Variants in SLC2A9 observed in about 807,000 individuals in gnomAD.
SLC2A9 encodes solute carrier family 2 member 9, also known as solute carrier family 2, facilitated glucose transporter member 9.
Under a neutral mutation model 50.6 loss-of-function variants are expected in SLC2A9, and 39 were observed. That is an observed-to-expected ratio of 0.77 (90% CI 0.60 to 1.01). SLC2A9 has a LOEUF of 1.01. SLC2A9 is among the 50% of genes least tolerant of loss of function. SLC2A9 has a pLI of 0.00. For missense variants in SLC2A9, 686 were observed against 677.6 expected (o/e 1.01, Z -0.14); for synonymous variants, 324 against 276.9 (o/e 1.17, Z -1.69).
At chr4:9,937,523 GT>G (rs1252829606) in intron 6 of SLC2A9, among the ~76,000 whole-genome samples, 1 of 152,192 alleles carries the variant, frequency 6.6e-6, no homozygotes, top group East Asian at 1.9e-4. Flanking sequence ...GAGGGCGCTG[GT>G]CTTCCGGGAG....
At chr4:9,990,250 G>A (rs922955730) in intron 3 of SLC2A9, among the ~76,000 whole-genome samples, 1 of 152,122 alleles carries the variant, frequency 6.6e-6, no homozygotes, top group Non-Finnish European at 1.5e-5. Flanking sequence ...ATGCTTAGAT[G>A]CAAGCAAGGA....
Position 9,996,847 on chromosome 4 carries a change from G to A in SLC2A9, c.344C>T (p.Ser115Phe), listed in dbSNP as rs1330536051. ...TLTLLWSVTV[S>F]IFAIGGLVGT... The stretch of plus-strand genomic sequence containing the variant: ...CACAAGTCCACCGATGGCGAATATG[G>A]ACACAGTCACAGACCAGAGCAAAGT... The change falls in exon 3 of 12, where the codon TCC becomes TTC. Residue 115 changes from serine (S) to phenylalanine (F), a missense_variant. Transcript: ENST00000264784. 1.2e-6 allele frequency: 2 copies of A among 1,614,180 alleles called. No individual in the cohort carries two copies. The highest frequency in any genetic ancestry group is 1.7e-5 in the Admixed American group (1 of 60,028).
downstream of SLC2A9, among the ~76,000 whole-genome samples, chr4:9,778,004 A>G (rs902896786): frequency 8.6e-5 from 13 of 152,018 alleles, no homozygotes; most frequent in African/African-American, 3.1e-4. Context: ...CAATTTTCAA[A>G]CTGAAATGTT....
In SLC2A9 at chr4:10,009,115, G is replaced by T. The variant is rs1578316456; in HGVS notation, c.249+9860C>A. 2.0e-5 allele frequency among the ~76,000 whole-genome samples: 3 copies of T among 152,222 alleles called. No individual in the cohort carries two copies. In the South Asian group the frequency reaches 6.2e-4, roughly 32 times the overall value. On this transcript the variant is annotated intron_variant, in intron 2 of 11. Transcript: ENST00000264784. ...GTAATCTCAGCCCTCTTCCACCAAA[G>T]TCTTGAGCCCTGCTATGCCTCCCCC...
intron 7 of SLC2A9, among the ~76,000 whole-genome samples, chr4:9,915,577 C>G (rs756887485): frequency 2.6e-5 from 4 of 152,196 alleles, no homozygotes; most frequent in African/African-American, 4.8e-5. Flanking sequence ...TTCACCACCA[C>G]TCTACAGCTG....
chr4:9,920,272 G>A, intron 7 of SLC2A9, 113 bp downstream of exon 7: 1 of 1,108,114 alleles, frequency 9.0e-7, no homozygotes, highest in East Asian at 2.6e-5. Context: ...TAGAGTTTGT[G>A]GCAATGACAG....
chr4:9,981,746 A>G (rs1366130600), intron 4 of SLC2A9, among the ~76,000 whole-genome samples: 1 of 152,216 alleles, frequency 6.6e-6, no homozygotes, highest in African/African-American at 2.4e-5. Context: ...AACCTTCTAG[A>G]TGAAGAACAC....
At chr4:9,865,026 C>T (rs1020849910) in intron 10 of SLC2A9, among the ~76,000 whole-genome samples, 6 of 152,220 alleles carry the variant, frequency 3.9e-5, no homozygotes, top group African/African-American at 1.4e-4. Flanking sequence ...ACTCACAACC[C>T]ACAAGGTTTG....
At chr4:9,818,440 C>A (rs7687896) in intron 3 of SLC2A9, among the ~76,000 whole-genome samples, 23,950 of 152,184 alleles carry the variant, frequency 0.16, 2,520 homozygotes, top group African/African-American at 0.3. Flanking sequence ...AAGACTATTG[C>A]AATAGCGGAG....
intron 10 of SLC2A9, among the ~76,000 whole-genome samples, chr4:9,836,351 T>A (rs1027822463): frequency 6.6e-6 from 1 of 151,618 alleles, no homozygotes; most frequent in African/African-American, 2.4e-5. Flanking sequence ...TAAATACATA[T>A]AAATACAAAA....
chr4:10,009,758 GAGTTAGACTCCTAA>G (rs1439264807), intron 2 of SLC2A9: 2 of 152,204 alleles, frequency 1.3e-5, no homozygotes, highest in Non-Finnish European at 2.9e-5. Flanking sequence ...TGGGGCCAAT[GAGTTAGACTCCTAA>G]AGTTAAGTTC....
At chr4:9,858,667 T>C (rs183106676) in intron 10 of SLC2A9, among the ~76,000 whole-genome samples, 45 of 152,296 alleles carry the variant, frequency 3.0e-4, no homozygotes, top group African/African-American at 1.1e-3. Flanking sequence ...AACTCTTAGC[T>C]AAGGTCCCAC....
At chr4:9,775,543 C>T (rs1717434691), downstream of SLC2A9, among the ~76,000 whole-genome samples, 1 of 151,980 alleles carries the variant, frequency 6.6e-6, no homozygotes, top group South Asian at 2.1e-4. Context: ...TTGTTTTGAC[C>T]ATGGGGGTAG....
At chr4:9,870,883 C>T (rs563706410) in intron 10 of SLC2A9, among the ~76,000 whole-genome samples, 6 of 152,232 alleles carry the variant, frequency 3.9e-5, no homozygotes, top group Non-Finnish European at 7.4e-5. Flanking sequence ...TGAGTGTGGC[C>T]AAGTATCTAG....
At chr4:9,862,937 C>G (rs1281025752) in intron 10 of SLC2A9, among the ~76,000 whole-genome samples, 1 of 152,038 alleles carries the variant, frequency 6.6e-6, no homozygotes, top group African/African-American at 2.4e-5. Flanking sequence ...TTAACAAATG[C>G]TCTTGCCTAT....
chr4:9,779,651 C>T (rs772941348), downstream of SLC2A9, among the ~76,000 whole-genome samples: 9 of 151,880 alleles, frequency 5.9e-5, no homozygotes, highest in Admixed American at 2.6e-4. Context: ...CCTGACCTCA[C>T]GATCCACCCA....
At chr4:9,970,610 C>A (rs1407544254) in intron 5 of SLC2A9, among the ~76,000 whole-genome samples, 3 of 151,768 alleles carry the variant, frequency 2.0e-5, no homozygotes, top group South Asian at 2.1e-4. Flanking sequence ...AGAGTTTGTG[C>A]TGTTGCTAAT....
At chr4:9,878,177 A>G (rs1404208506) in intron 10 of SLC2A9, among the ~76,000 whole-genome samples, 1 of 152,010 alleles carries the variant, frequency 6.6e-6, no homozygotes, top group East Asian at 1.9e-4. Flanking sequence ...CAATATATAT[A>G]TATTTGATTT....
At chr4:9,820,976 C>T (rs563178736) in intron 3 of SLC2A9, among the ~76,000 whole-genome samples, 3 of 152,290 alleles carry the variant, frequency 2.0e-5, no homozygotes, top group African/African-American at 7.2e-5. Context: ...TGAATAGAGG[C>T]AGTGATAGAA....
Sources: allele counts gnomAD v4.1 joint callset (sites outside exome capture counted in the v4.1 genomes callset), GRCh38; gene constraint gnomAD v4.1.1; transcripts MANE v1.5; gene names NCBI Gene and HGNC (gene_info 2026-07-23, HGNC 2026-07-21).